NMNAT3: variants seen among roughly 807,000 people sequenced by gnomAD.
The protein encoded by NMNAT3 is nicotinamide nucleotide adenylyltransferase 3, also known as nicotinamide/nicotinic acid mononucleotide adenylyltransferase 3.
Under a neutral mutation model 24.8 loss-of-function variants are expected in NMNAT3, and 21 were observed. The observed-to-expected ratio is 0.85, with a 90% CI of 0.60 to 1.22. The LOEUF is 1.22. Among genes scored for constraint, NMNAT3 ranks in the 50% most tolerant of loss-of-function variants. The pLI is 0.00. For missense variants in NMNAT3, 387 were observed against 436.6 expected (o/e 0.89, Z 1.01); for synonymous variants, 136 against 155.2 (o/e 0.88, Z 0.92).
At chr3:139,672,510 A>G (rs1480849735) in intron 1 of NMNAT3, 2 of 152,254 alleles carry the variant, frequency 1.3e-5, no homozygotes, top group Non-Finnish European at 2.9e-5. Flanking sequence ...TCTTTTCTCC[A>G]TGGCTAAGAG....
At chr3:139,599,306 AC>A in intron 3 of NMNAT3, 1 of 702,366 alleles carries the variant, frequency 1.4e-6, no homozygotes, top group Non-Finnish European at 2.6e-6. Context: ...CCTTTTGCAG[AC>A]TTCAGTTCTG....
intron 5 of NMNAT3, chr3:139,576,122 A>T (rs1253149408): frequency 8.2e-7 from 1 of 1,222,656 alleles, no homozygotes; most frequent in Non-Finnish European, 1.0e-6. Context: ...TGTCACTATG[A>T]TGCAGATTCA....
intron 3 of NMNAT3, among the ~76,000 whole-genome samples, chr3:139,593,884 A>C (rs1248624585): frequency 1.4e-5 from 2 of 146,074 alleles, no homozygotes; most frequent in African/African-American, 5.1e-5. Context: ...TGACACCCTA[A>C]CATCACAATT....
At chr3:139,590,702 A>G (rs1253929423) in intron 3 of NMNAT3, among the ~76,000 whole-genome samples, 2 of 152,150 alleles carry the variant, frequency 1.3e-5, no homozygotes, top group Non-Finnish European at 2.9e-5. Flanking sequence ...GTGCTGTAGA[A>G]ATATTACAGT....
chr3:139,659,395 C>T (rs1393301494), intron 1 of NMNAT3, among the ~76,000 whole-genome samples: 1 of 152,054 alleles, frequency 6.6e-6, no homozygotes, highest in African/African-American at 2.4e-5. Context: ...GTAGAGACTC[C>T]CCAAGTGTGA....
intron 3 of NMNAT3, chr3:139,583,337 A>G: frequency 6.9e-7 from 1 of 1,441,596 alleles, no homozygotes; most frequent in Non-Finnish European, 9.8e-7. Context: ...AAGTTTCACA[A>G]GTGGAATCTG....
intron 3 of NMNAT3, among the ~76,000 whole-genome samples, chr3:139,623,069 C>G (rs1019486711): frequency 1.3e-5 from 2 of 151,610 alleles, no homozygotes; most frequent in Admixed American, 1.3e-4. Flanking sequence ...CTTTAGCTTA[C>G]TATAACTTTT....
intron 4 of NMNAT3, among the ~76,000 whole-genome samples, chr3:139,581,425 G>A (rs1236800092): frequency 2.0e-5 from 3 of 151,698 alleles, no homozygotes; most frequent in African/African-American, 7.3e-5. Context: ...AGTAGAAAAT[G>A]GGAAACAAGT....
chr3:139,582,151 C>A (rs1433353750), intron 4 of NMNAT3, among the ~76,000 whole-genome samples: 4 of 136,824 alleles, frequency 2.9e-5, no homozygotes, highest in Admixed American at 7.9e-5. Context: ...GCCGAGATTA[C>A]GCCACTGTGA....
intron 3 of NMNAT3, among the ~76,000 whole-genome samples, chr3:139,611,657 C>T (rs2055221596): frequency 6.6e-6 from 1 of 152,190 alleles, no homozygotes; most frequent in Non-Finnish European, 1.5e-5. Flanking sequence ...TCCCAAGACC[C>T]AGGAGCAACC....
At chr3:139,587,455 T>C (rs1047128695) in intron 3 of NMNAT3, among the ~76,000 whole-genome samples, 1 of 152,078 alleles carries the variant, frequency 6.6e-6, no homozygotes, top group Non-Finnish European at 1.5e-5. Flanking sequence ...TGCCTAAGAT[T>C]AAGGACAGAT....
chr3:139,637,027 G>A (rs2056527968), intron 2 of NMNAT3: 1 of 152,138 alleles, frequency 6.6e-6, no homozygotes, highest in South Asian at 2.1e-4. Flanking sequence ...CTGCTTATGG[G>A]CCCCTAAAGG....
intron 3 of NMNAT3, among the ~76,000 whole-genome samples, chr3:139,603,403 A>G (rs2054799371): frequency 6.6e-6 from 1 of 152,180 alleles, no homozygotes; most frequent in Admixed American, 6.5e-5. Context: ...ATATTTTACA[A>G]TTTGGGGTGT....
chr3:139,592,632 T>A (rs1206150140), intron 3 of NMNAT3, among the ~76,000 whole-genome samples: 1 of 152,014 alleles, frequency 6.6e-6, no homozygotes, highest in African/African-American at 2.4e-5. Context: ...CAGCAGAAAC[T>A]CTACAAGCCA....
intron 3 of NMNAT3, among the ~76,000 whole-genome samples, chr3:139,586,916 G>A (rs569255016): frequency 6.6e-6 from 1 of 152,202 alleles, no homozygotes; most frequent in Admixed American, 6.5e-5. Flanking sequence ...TGTGGTGACA[G>A]TTTAGACAGG....
rs80038451 is a variant in NMNAT3 at position 139,612,384 on chromosome 3, T to C, written c.109+15232A>G. Among the ~76,000 whole-genome samples the C allele has an allele frequency of 1.2e-4, 18 of 152,228 alleles. No individual in the cohort carries two copies. The East Asian group carries it at 3.5e-3, about 29-fold the overall frequency. On this transcript the variant is annotated intron_variant, in intron 3 of 6. Transcript: ENST00000643695. ...CAGATGAGCAGGCAAGCAACAGCCA[T>C]GAATACAGAACCTTATCCAGGCATT...
At chr3:139,568,032 C>T (rs1354750200) in intron 6 of NMNAT3, 2 of 152,292 alleles carry the variant, frequency 1.3e-5, no homozygotes, top group South Asian at 2.1e-4. Flanking sequence ...TATTATTGGT[C>T]TATTCAGAGA....
chr3:139,585,252 A>G (rs999862592), intron 3 of NMNAT3, among the ~76,000 whole-genome samples: 9 of 152,024 alleles, frequency 5.9e-5, no homozygotes, highest in African/African-American at 2.2e-4. Context: ...TTTCTACTCC[A>G]TGTATTTTGG....
At chr3:139,592,931 C>T (rs928034495) in intron 3 of NMNAT3, among the ~76,000 whole-genome samples, 2 of 152,126 alleles carry the variant, frequency 1.3e-5, no homozygotes, top group Non-Finnish European at 2.9e-5. Flanking sequence ...AAATAACCAG[C>T]TAACATCATA....
Sources: gnomAD v4.1 joint callset for allele counts (sites outside exome capture counted in the v4.1 genomes callset) on GRCh38, gnomAD v4.1.1 for gene constraint, MANE v1.5 for transcripts, NCBI Gene and HGNC (gene_info 2026-07-23, HGNC 2026-07-21) for gene names.